The following DOCK3 variants were observed in gnomAD, a reference collection of about 807,000 sequenced individuals.
The protein encoded by DOCK3 is dedicator of cytokinesis protein 3.
Under a neutral mutation model 265.6 loss-of-function variants are expected in DOCK3, and 60 were observed. The ratio of observed to expected loss-of-function variants is 0.23; its 90% confidence interval spans 0.18 to 0.28. DOCK3 has a LOEUF of 0.28. DOCK3 is among the 10% of genes least tolerant of loss of function. The pLI is 1.00. For missense variants in DOCK3, 1,981 were observed against 2,594.3 expected, an observed-to-expected ratio of 0.76 and a Z score of 5.14; for synonymous variants, 881 against 938.0, an observed-to-expected ratio of 0.94 and a Z score of 1.11.
At chr3:51,229,122 G>C (rs1209440060) in intron 18 of DOCK3, among the ~76,000 whole-genome samples, 1 of 152,162 alleles carries the variant, frequency 6.6e-6, no homozygotes, top group Non-Finnish European at 1.5e-5. Flanking sequence ...ACCTGTCCTT[G>C]ACTGGGAGAG....
At chr3:51,080,149 C>G (rs1037196532) in intron 7 of DOCK3, among the ~76,000 whole-genome samples, 2 of 152,168 alleles carry the variant, frequency 1.3e-5, no homozygotes, top group African/African-American at 2.4e-5. Context: ...AATCCCCAAC[C>G]TATATAGCAG....
chr3:51,091,020 C>T (rs1429127447), intron 9 of DOCK3, among the ~76,000 whole-genome samples: 1 of 152,042 alleles, frequency 6.6e-6, no homozygotes, highest in Non-Finnish European at 1.5e-5. Flanking sequence ...ATTTATATGC[C>T]CCACAGTGCC....
At chr3:50,848,783 T>C (rs1264656924) in intron 3 of DOCK3, among the ~76,000 whole-genome samples, 16 of 152,208 alleles carry the variant, frequency 1.1e-4, no homozygotes, top group Admixed American at 1.0e-3. Flanking sequence ...ATTTTCATTT[T>C]GTATAGCACC....
chr3:50,966,892 A>AT lies in DOCK3; in HGVS notation c.315+32824dup, dbSNP rs201706464. 7.8e-3 allele frequency among the ~76,000 whole-genome samples: 1,171 copies of AT among 150,906 alleles called. 16 individuals carry two copies. Among genetic ancestry groups the AT allele is most frequent in the African/African-American group, 0.026 (1,085 of 41,102 alleles). On this transcript the variant is annotated intron_variant, in intron 5 of 52. Transcript: ENST00000266037. Reference sequence around the variant, plus strand: ...ATTAGAATCAAACATTTATAATGCCATTTTTTTTTCTGTAACCTTGTAGGG... The same window carrying AT: ...ATTAGAATCAAACATTTATAATGCCATTTTTTTTTTCTGTAACCTTGTAGGG...
intron 9 of DOCK3, among the ~76,000 whole-genome samples, chr3:51,121,746 A>G (rs1057283886): frequency 6.6e-6 from 1 of 152,194 alleles, no homozygotes; most frequent in Non-Finnish European, 1.5e-5. Flanking sequence ...ACACTCCTCT[A>G]GAGCATGTAC....
At chr3:51,201,204 G>A in intron 12 of DOCK3, among the ~76,000 whole-genome samples, 1 of 150,764 alleles carries the variant, frequency 6.6e-6, no homozygotes, top group South Asian at 2.2e-4. Flanking sequence ...TGGACTAAAT[G>A]CTCCAATTAA....
intron 9 of DOCK3, among the ~76,000 whole-genome samples, chr3:51,106,192 G>A (rs1049024253): frequency 2.0e-5 from 3 of 152,196 alleles, no homozygotes; most frequent in African/African-American, 4.8e-5. Context: ...ATGAGATAGA[G>A]CCGGGTCAGA....
intron 9 of DOCK3, among the ~76,000 whole-genome samples, chr3:51,091,976 A>G (rs574992952): frequency 1.3e-5 from 2 of 152,324 alleles, no homozygotes; most frequent in South Asian, 4.1e-4. Context: ...ACTCTGGCCC[A>G]GATAGTGCGC....
Position 50,981,469 on chromosome 3 carries a change from A to G in DOCK3, c.315+47392A>G, listed in dbSNP as rs528079957. On this transcript the variant is annotated intron_variant, in intron 5 of 52. Transcript: ENST00000266037. ...ATGTTCTGTCTTATCTATTCCATCT[A>G]AAGTGTAGTTTAAATCCAATGTTTC... 2.6e-5 allele frequency among the ~76,000 whole-genome samples: 4 copies of G among 152,200 alleles called. No homozygotes were observed. In the South Asian group the frequency reaches 6.2e-4, roughly 24 times the overall value.
intron 1 of DOCK3, among the ~76,000 whole-genome samples, chr3:50,686,949 C>T (rs2034864820): frequency 6.7e-6 from 1 of 148,342 alleles, no homozygotes; most frequent in South Asian, 2.1e-4. Flanking sequence ...GTGGCTCACT[C>T]CTGTAATCCC....
At chr3:51,342,402 C>G (rs1395583741) in intron 38 of DOCK3, among the ~76,000 whole-genome samples, 3 of 152,208 alleles carry the variant, frequency 2.0e-5, no homozygotes, top group Non-Finnish European at 4.4e-5. Flanking sequence ...TGCAACTGAT[C>G]CACAATGCTG....
chr3:50,919,604 T>G (rs1038181435), intron 4 of DOCK3, among the ~76,000 whole-genome samples: 1 of 152,206 alleles, frequency 6.6e-6, no homozygotes, highest in African/African-American at 2.4e-5. Context: ...TGATTTTGTA[T>G]CCTGAGACTT....
chr3:50,723,942 T>C (rs2037641177), intron 1 of DOCK3, among the ~76,000 whole-genome samples: 1 of 152,194 alleles, frequency 6.6e-6, no homozygotes, highest in African/African-American at 2.4e-5. Flanking sequence ...TTTTGCAATC[T>C]ATCCATCTGA....
chr3:51,341,841 T>TCC, intron 38 of DOCK3, among the ~76,000 whole-genome samples: 2 of 152,340 alleles, frequency 1.3e-5, no homozygotes, highest in Admixed American at 6.5e-5. Flanking sequence ...AGATTTCCCT[T>TCC]CTCTACAGCA....
intron 2 of DOCK3, chr3:50,787,731 G>A (rs1197335195): frequency 1.1e-5 from 13 of 1,231,700 alleles, no homozygotes; most frequent in Admixed American, 3.5e-5. Context: ...TTTCTGTAAC[G>A]CTGACTTTCT....
chr3:51,267,670 G>A (rs2080270423), intron 23 of DOCK3, among the ~76,000 whole-genome samples: 1 of 152,122 alleles, frequency 6.6e-6, no homozygotes, highest in Non-Finnish European at 1.5e-5. Flanking sequence ...ACACGCATGA[G>A]CCACCGCGCC....
chr3:51,163,339 T>A (rs2086224152), intron 12 of DOCK3, among the ~76,000 whole-genome samples: 1 of 152,104 alleles, frequency 6.6e-6, no homozygotes, highest in Non-Finnish European at 1.5e-5. Flanking sequence ...AAGGCCACTA[T>A]TCTGCTGTAT....
chr3:51,274,017 A>G (rs999061603), intron 24 of DOCK3, among the ~76,000 whole-genome samples: 1 of 152,212 alleles, frequency 6.6e-6, no homozygotes, highest in Non-Finnish European at 1.5e-5. Flanking sequence ...GAGAGGAGTC[A>G]ACTTGCCTGA....
intron 27 of DOCK3, among the ~76,000 whole-genome samples, chr3:51,295,955 C>T (rs2082055864): frequency 6.6e-6 from 1 of 152,158 alleles, no homozygotes; most frequent in Admixed American, 6.6e-5. Context: ...ATCCTTCTGC[C>T]TCAGCCTCCC....
Sources: allele counts gnomAD v4.1 joint callset (sites outside exome capture counted in the v4.1 genomes callset), GRCh38; gene constraint gnomAD v4.1.1; transcripts MANE v1.5; gene names NCBI Gene and HGNC (gene_info 2026-07-23, HGNC 2026-07-21).